The following NUDT16L1 variants were observed in gnomAD, a reference collection of about 807,000 sequenced individuals.
The protein encoded by NUDT16L1 is nudix hydrolase 16 like 1, also known as tudor-interacting repair regulator protein.
Under a neutral mutation model 17.3 loss-of-function variants are expected in NUDT16L1, and 19 were observed. That is an observed-to-expected ratio of 1.10 (90% CI 0.77 to 1.61). The LOEUF (loss-of-function observed/expected upper bound fraction) is 1.61. NUDT16L1 is among the 40% of genes most tolerant of loss of function. The pLI is 0.00. For synonymous variants in NUDT16L1, 255 were observed against 138.6 expected, an observed-to-expected ratio of 1.84 and a Z score of -5.90; for missense variants, 341 against 292.0, an observed-to-expected ratio of 1.17 and a Z score of -1.22.
At chr16:4,693,804 C>T (rs2079477085) in exon 1 of NUDT16L1, 3 of 1,572,574 alleles carry the variant, frequency 1.9e-6, no homozygotes, top group African/African-American at 1.4e-5. Context: ...GCTGGAGCCA[C>T]TCGTGCCACG....
At chr16:4,694,786 G>C in intron 2 of NUDT16L1, 172 bp from the exon 3 acceptor site, 1 of 1,441,330 alleles carries the variant, frequency 6.9e-7, no homozygotes, top group Non-Finnish European at 9.1e-7. Context: ...GGAGGGGGCT[G>C]CACTGCTCCG....
chr16:4,694,909 G>A (rs1433511118), intron 2 of NUDT16L1, 49 bp from the exon 3 acceptor site: 3 of 1,559,266 alleles, frequency 1.9e-6, no homozygotes, highest in African/African-American at 1.4e-5. Flanking sequence ...TGCTGGAGGT[G>A]CCATTGTGTG....
chr16:4,693,886 A>C lies in NUDT16L1; in HGVS notation c.153+7A>C. 2.6e-6 allele frequency: 4 copies of C among 1,514,490 alleles called. No individual in the cohort carries two copies. The highest frequency in any genetic ancestry group is 3.5e-6 in the Non-Finnish European group (4 of 1,140,506). The allele number at this position is 1,514,490 out of a possible 1,614,324, so 93.8% of individuals were successfully genotyped here. ...CATGCGCTTCTCGGTGCTGGTGAGG[A>C]CGGGCGAGGGCGCGGGCGAGGGTGC... On this transcript the variant is annotated splice_region_variant and intron_variant, in intron 1 of 2. Coordinates refer to ENST00000304301, the Ensembl canonical transcript of NUDT16L1.
chr16:4,695,202 C>T (rs748530868), exon 3 of NUDT16L1: 2 of 1,606,408 alleles, frequency 1.2e-6, no homozygotes, highest in South Asian at 1.1e-5. Flanking sequence ...CTGGTGGCAC[C>T]CTCCCCTGGG....
At chr16:4,695,288 G>T in exon 3 of NUDT16L1, 2 of 1,117,690 alleles carry the variant, frequency 1.8e-6, no homozygotes, top group Non-Finnish European at 1.3e-6. Context: ...TGCCTAGGGC[G>T]AGTGGGCATC....
chr16:4,694,580 G>C (rs1255516719), intron 2 of NUDT16L1: 6 of 1,442,888 alleles, frequency 4.2e-6, no homozygotes, highest in African/African-American at 2.9e-5. Context: ...CACAGCGGGG[G>C]TTGTAAAACT....
rs774934347 is a variant in NUDT16L1 at position 4,695,008 on chromosome 16, A to C, written c.465A>C (p.Gly155=). 5.6e-6 allele frequency: 9 copies of C among 1,612,524 alleles called. No homozygotes were observed. In the South Asian group the frequency reaches 9.9e-5, roughly 18 times the overall value. Residue 155 remains glycine, a synonymous_variant, in exon 3 of 3, where the codon GGA becomes GGC. Coordinates refer to ENST00000304301, the Ensembl canonical transcript of NUDT16L1. ...TGTACACCCAGAAGGACCGAGTCGG[A>C]GGCTTCCCCAACTTCCTGAGCAACG...
At chr16:4,694,477 C>T (rs868546436) in intron 2 of NUDT16L1, 12 of 1,524,242 alleles carry the variant, frequency 7.9e-6, no homozygotes, top group African/African-American at 5.5e-5. Flanking sequence ...TTGCTGCCTG[C>T]CATTGCCAAT....
exon 3 of NUDT16L1, chr16:4,695,665 G>T (rs1203536765): frequency 4.9e-6 from 2 of 405,558 alleles, no homozygotes; most frequent in East Asian, 7.1e-5. Flanking sequence ...TGTTAATTTG[G>T]GTTGTTGTTG....
At position 4,693,880 on chromosome 16, in the gene NUDT16L1, G is replaced by T; in HGVS notation, c.153+1G>T. On this transcript the variant is annotated splice_donor_variant, in intron 1 of 2. Coordinates refer to ENST00000304301, the Ensembl canonical transcript of NUDT16L1. LOFTEE classifies it high-confidence loss of function. ...CATCCCCATGCGCTTCTCGGTGCTG[G>T]TGAGGACGGGCGAGGGCGCGGGCGA... The T allele has an allele frequency of 6.5e-7, 1 of 1,530,470 alleles. No homozygotes were observed. The highest frequency in any genetic ancestry group is 1.4e-5 in the African/African-American group (1 of 69,830). 94.8% of individuals were successfully genotyped at this position (1,530,470 alleles called of 1,614,324 possible). A position where few individuals can be genotyped will look rare whatever the true frequency, so the allele number is the denominator to read the frequency against.
chr16:4,695,169 C>A, exon 3 of NUDT16L1: 1 of 1,612,582 alleles, frequency 6.2e-7, no homozygotes, highest in Non-Finnish European at 8.5e-7. Flanking sequence ...TTGCTCCCGG[C>A]CTCCTCTTGA....
At chr16:4,695,257 T>A in exon 3 of NUDT16L1, 2 of 1,439,128 alleles carry the variant, frequency 1.4e-6, no homozygotes, top group Non-Finnish European at 1.9e-6. Flanking sequence ...CTAGAGTGTT[T>A]GTGTGTACCC....
intron 2 of NUDT16L1, 107 bp from the exon 3 acceptor site, chr16:4,694,851 G>T (rs1292794712): frequency 7.4e-6 from 11 of 1,477,484 alleles, no homozygotes; most frequent in Admixed American, 7.0e-5. Flanking sequence ...TAAGTCCTTG[G>T]CAAAGCTGGC....
exon 3 of NUDT16L1, chr16:4,695,769 A>G (rs1454685715): frequency 7.5e-6 from 3 of 397,482 alleles, no homozygotes; most frequent in African/African-American, 4.1e-5. Context: ...TCCCAGGGAC[A>G]GTCAGGGCCT....
At chr16:4,695,335 TGGC>T (rs1357182840) in exon 3 of NUDT16L1, 2 of 782,452 alleles carry the variant, frequency 2.6e-6, no homozygotes, top group Non-Finnish European at 2.0e-6. Context: ...AGTCACTAGG[TGGC>T]GGCCGGGCCA....
rs748697024 is a variant in NUDT16L1, at chr16:4,694,091, G to C, written c.267G>C (p.Leu89=). The change falls in exon 2 of 3, where the codon CTG becomes CTC. Residue 89 remains leucine (L), a synonymous_variant. Transcript: ENST00000304301. ...TGCTGGGCCTGGGCCTGGGCTGCCT[G>C]CGCCTCACCGAGGCCGACTACCTGA... 3.1e-6 allele frequency: 5 copies of C among 1,591,636 alleles called. No individual in the cohort carries two copies. The African/African-American group carries it at 5.5e-5, about 17-fold the overall frequency.
chr16:4,694,006 G>C, exon 2 of NUDT16L1: 1 of 1,583,332 alleles, frequency 6.3e-7, no homozygotes, highest in Non-Finnish European at 8.5e-7. Flanking sequence ...GGGCTGCTGG[G>C]CTTCCCCGGG....
chr16:4,695,009 G>T, exon 3 of NUDT16L1: 1 of 1,612,812 alleles, frequency 6.2e-7, no homozygotes, highest in Non-Finnish European at 8.5e-7. Context: ...CCGAGTCGGA[G>T]GCTTCCCCAA....
exon 3 of NUDT16L1, chr16:4,695,049 C>A (rs749454707): frequency 3.1e-6 from 5 of 1,613,370 alleles, no homozygotes; most frequent in African/African-American, 1.3e-5. Context: ...GTGAGCACGG[C>A]TAAGTGCCAG....
Sources: gnomAD v4.1 joint callset for allele counts on GRCh38, gnomAD v4.1.1 for gene constraint, MANE v1.5 for transcripts, NCBI Gene and HGNC (gene_info 2026-07-23, HGNC 2026-07-21) for gene names.